CCM2L: variants seen among roughly 807,000 people sequenced by gnomAD.
CCM2L encodes the protein cerebral cavernous malformations 2 protein-like.
Under a neutral mutation model 54.1 loss-of-function variants are expected in CCM2L, and 36 were observed. The ratio of observed to expected loss-of-function variants is 0.67; its 90% CI spans 0.51 to 0.88. CCM2L has a LOEUF of 0.88. Among genes scored for constraint, CCM2L ranks in the 40% least tolerant of loss-of-function variants. The pLI, the probability that CCM2L is intolerant of heterozygous loss-of-function variation, is 0.00. For missense variants in CCM2L, 700 were observed against 812.1 expected, an observed-to-expected ratio of 0.86 and a Z score of 1.68; for synonymous variants, 351 against 359.3, an observed-to-expected ratio of 0.98 and a Z score of 0.26.
intron 1 of CCM2L, among the ~76,000 whole-genome samples, chr20:32,012,157 A>G (rs1289900348): frequency 1.4e-4 from 21 of 152,004 alleles, no homozygotes; most frequent in Admixed American, 1.4e-3. Flanking sequence ...TATGGGTTCT[A>G]ACATAAGCTG....
In CCM2L at chr20:32,025,923, A is replaced by G. The variant is rs988779670; in HGVS notation, c.1133+4A>G. On this transcript the variant is annotated splice_donor_region_variant and intron_variant, in intron 7 of 9. Coordinates refer to ENST00000452892, the MANE Select transcript of CCM2L (RefSeq NM_001365692.1). Reference sequence around the variant, plus strand: ...ACTTCAGCTGCTGCAGCTCCTTGTGAGTACAGCCCCTGTCAGGGACTCCAC... The same window carrying G: ...ACTTCAGCTGCTGCAGCTCCTTGTGGGTACAGCCCCTGTCAGGGACTCCAC... 15 of 1,303,944 alleles carry G rather than the reference A, an allele frequency of 1.2e-5. No homozygotes were observed. The highest frequency in any genetic ancestry group is 1.5e-5 in the Non-Finnish European group (15 of 988,812). 80.8% of individuals were successfully genotyped at this position (1,303,944 alleles called of 1,614,324 possible).
chr20:32,023,794 C>T lies in CCM2L; in HGVS notation c.1069+999C>T, dbSNP rs141733954. On this transcript the variant is annotated intron_variant, in intron 6 of 9. Coordinates refer to ENST00000452892, the MANE Select transcript of CCM2L (RefSeq NM_001365692.1). ...TCGCCTGAGCTGGAGTGCAGTGGCA[C>T]GATCTCGGCTCATTGCAACCTCTGC... 4.4e-4 allele frequency among the ~76,000 whole-genome samples: 67 copies of T among 152,342 alleles called. 2 individuals are homozygous for T. In the East Asian group the frequency reaches 0.011, roughly 24 times the overall value.
chr20:32,013,639 A>G (rs1189205407), intron 1 of CCM2L, among the ~76,000 whole-genome samples: 1 of 151,592 alleles, frequency 6.6e-6, no homozygotes, highest in Non-Finnish European at 1.5e-5. Context: ...TTTTGTAGAG[A>G]CAGTTTCACC....
Position 32,031,415 on chromosome 20 carries a change from G to A in CCM2L, c.*101G>A. On this transcript the variant is annotated 3_prime_UTR_variant, in exon 10 of 10. Coordinates refer to ENST00000452892, the MANE Select transcript of CCM2L (RefSeq NM_001365692.1). ...GGGCCCCCCCATCACACCTGGCGGG[G>A]CCGGGGGGTCTTCACTCCAGGGTCT... 1.9e-6 allele frequency: 2 copies of A among 1,031,492 alleles called. No homozygotes were observed. The highest frequency in any genetic ancestry group is 2.5e-6 in the Non-Finnish European group (2 of 797,940). The allele number at this position is 1,031,492 out of a possible 1,614,324, so 63.9% of individuals were successfully genotyped here. A position where few individuals can be genotyped will look rare whatever the true frequency, so the allele number is the denominator to read the frequency against.
Position 32,031,200 on chromosome 20 carries a change from G to A in CCM2L, c.1602G>A (p.Leu534=), listed in dbSNP as rs1369523568. 2.0e-5 allele frequency: 26 copies of A among 1,301,540 alleles called. No individual in the cohort carries two copies. Among genetic ancestry groups the A allele is most frequent in the Non-Finnish European group, 2.6e-5 (26 of 988,564 alleles). 80.6% of individuals were successfully genotyped at this position (1,301,540 alleles called of 1,614,324 possible). A position where few individuals can be genotyped will look rare whatever the true frequency, so the allele number is the denominator to read the frequency against. The change falls in exon 10 of 10, where the codon CTG becomes CTA. Residue 534 remains leucine, a synonymous_variant. Transcript: ENST00000452892. The part of the protein sequence containing the change: ...RPEAQAFHRL[L]ADITHDIEAL... The stretch of plus-strand genomic sequence containing the variant: ...AGGCACAGGCCTTCCACCGGCTGCT[G>A]GCTGACATCACGCACGACATCGAGG...
At chr20:32,028,051 CAGG>C (rs2064879223) in intron 7 of CCM2L, 1 of 152,362 alleles carries the variant, frequency 6.6e-6, no homozygotes, top group African/African-American at 2.4e-5. Flanking sequence ...GCTGGAGAGT[CAGG>C]AGGGCCTCTC....
At chr20:32,019,657 TCTC>T (rs2064784790) in intron 5 of CCM2L, among the ~76,000 whole-genome samples, 1 of 152,080 alleles carries the variant, frequency 6.6e-6, no homozygotes, top group East Asian at 1.9e-4. Flanking sequence ...GCCCGTTCCT[TCTC>T]CAACGTTGTC....
At chr20:32,017,044 A>G (rs1372376517) in intron 2 of CCM2L, among the ~76,000 whole-genome samples, 1 of 152,058 alleles carries the variant, frequency 6.6e-6, no homozygotes. Context: ...GCTACTCAGG[A>G]GGCTGAGGCA....
Position 32,025,901 on chromosome 20 carries a change from T to A in CCM2L, c.1115T>A (p.Phe372Tyr). 7.7e-7 allele frequency: 1 copy of A among 1,304,190 alleles called. No homozygotes were observed. The highest frequency in any genetic ancestry group is 1.0e-6 in the Non-Finnish European group (1 of 988,938). 80.8% of individuals were successfully genotyped at this position (1,304,190 alleles called of 1,614,324 possible). The change falls in exon 7 of 10, where the codon TTC (phenylalanine) becomes TAC (tyrosine). Residue 372 changes from phenylalanine (F) to tyrosine (Y), a missense_variant. By Grantham distance (22) the Phe-to-Tyr change is conservative. Transcript: ENST00000452892. ...TDGTYAYDAD[F>Y]SCCSSFNGSQ... ...GGGACGTATGCCTATGATGCCGACT[T>A]CAGCTGCTGCAGCTCCTTGTGAGTA... is the stretch of plus-strand genomic sequence containing the variant.
Position 32,031,429 on chromosome 20 carries a change from A to G in CCM2L, c.*115A>G, listed in dbSNP as rs1600687799. On this transcript the variant is annotated 3_prime_UTR_variant, in exon 10 of 10. Coordinates refer to ENST00000452892, the MANE Select transcript of CCM2L (RefSeq NM_001365692.1). ...CACCTGGCGGGGCCGGGGGGTCTTCACTCCAGGGTCTCGCTCCCTGCCCTT... is the reference window on the plus strand; with the variant it reads ...CACCTGGCGGGGCCGGGGGGTCTTCGCTCCAGGGTCTCGCTCCCTGCCCTT... 1.1e-6 allele frequency: 1 copy of G among 870,444 alleles called. No individual in the cohort carries two copies. Among genetic ancestry groups the G allele is most frequent in the Non-Finnish European group, 1.5e-6 (1 of 652,464 alleles). 53.9% of individuals were successfully genotyped at this position (870,444 alleles called of 1,614,324 possible).
intron 8 of CCM2L, 88 bp downstream of exon 8, chr20:32,029,212 T>A: frequency 6.4e-7 from 1 of 1,574,566 alleles, no homozygotes. Flanking sequence ...GCCCTGGACA[T>A]AACCTAAGCA....
intron 6 of CCM2L, among the ~76,000 whole-genome samples, chr20:32,023,770 C>T (rs773449520): frequency 4.6e-5 from 7 of 152,224 alleles, no homozygotes; most frequent in Non-Finnish European, 7.3e-5. Context: ...CTCACTCTGT[C>T]GCCTGAGCTG....
At chr20:32,010,676 C>T (rs1162788912) in intron 1 of CCM2L, among the ~76,000 whole-genome samples, 192 bp downstream of exon 1, 1 of 152,162 alleles carries the variant, frequency 6.6e-6, no homozygotes, top group Non-Finnish European at 1.5e-5. Flanking sequence ...TCTCCACTCT[C>T]AGTGGCCTCT....
intron 4 of CCM2L, 28 bp downstream of exon 4, chr20:32,018,190 G>GAGGGGC (rs2064758239): frequency 2.4e-6 from 1 of 416,512 alleles, no homozygotes; most frequent in Non-Finnish European, 3.4e-6. Context: ...GGGGGCGGGG[G>GAGGGGC]AGGGGCGGGG....
Position 32,031,221 on chromosome 20 carries a change from C to A in CCM2L, c.1623C>A (p.Ile541=), listed in dbSNP as rs1228665752. The A allele has an allele frequency of 7.7e-7, 1 of 1,300,344 alleles. No individual in the cohort carries two copies. The highest frequency in any genetic ancestry group is 1.0e-6 in the Non-Finnish European group (1 of 988,604). 80.6% of individuals were successfully genotyped at this position (1,300,344 alleles called of 1,614,324 possible). The change falls in exon 10 of 10, where the codon ATC becomes ATA. Residue 541 remains isoleucine (I), a synonymous_variant. Transcript: ENST00000452892. ...TGCTGGCTGACATCACGCACGACAT[C>A]GAGGCGCTGGCCCCCGATGACGACG... ...HRLLADITHD[I]EALAPDDDDD...
At position 32,014,246 on chromosome 20, in the gene CCM2L, C is replaced by CATATATAT. The variant is rs572945733; in HGVS notation, c.31-649_31-642dup. Among the ~76,000 whole-genome samples the CATATATAT allele has an allele frequency of 1.3e-3, 184 of 137,440 alleles. 1 individual carries two copies. Among genetic ancestry groups the CATATATAT allele is most frequent in the South Asian group, 3.2e-3 (14 of 4,416 alleles). 90.2% of individuals were successfully genotyped at this position (137,440 alleles called of 152,430 possible). ...TATATGATTTATATATATGTGTGTA[C>CATATATAT]ATATATATATATATATTTTTTTTTT... On this transcript the variant is annotated intron_variant, in intron 1 of 9. Transcript: ENST00000452892.
At position 32,029,844 on chromosome 20, in the gene CCM2L, C is replaced by G. The variant is rs748282429; in HGVS notation, c.1402+6C>G. On this transcript the variant is annotated splice_donor_region_variant and intron_variant, in intron 9 of 9. Transcript: ENST00000452892. ...GCGCAAGTTCCTCCTCCTTGGTGAG[C>G]CCCCGCTGTACCCCCAGAGGTCAGC... 4 of 1,592,336 alleles carry G rather than the reference C, an allele frequency of 2.5e-6. No individual in the cohort carries two copies. The highest frequency in any genetic ancestry group is 1.7e-5 in the Admixed American group (1 of 58,314).
intron 9 of CCM2L, among the ~76,000 whole-genome samples, chr20:32,030,770 G>A (rs1353948644): frequency 2.0e-5 from 3 of 151,350 alleles, no homozygotes; most frequent in African/African-American, 7.3e-5. Flanking sequence ...GGGAGGCAGA[G>A]GCTATAATAA....
Position 32,017,521 on chromosome 20 carries a change from A to T in CCM2L, c.199-279A>T, listed in dbSNP as rs1307625518. On this transcript the variant is annotated intron_variant, in intron 2 of 9. Coordinates refer to ENST00000452892, the MANE Select transcript of CCM2L (RefSeq NM_001365692.1). ...GCTCTGGCATGTGGATCCCAGTTTG[A>T]TCCTCTCTAGCTATCTAATCCTGGG... is the stretch of plus-strand genomic sequence containing the variant. 3.3e-5 allele frequency among the ~76,000 whole-genome samples: 5 copies of T among 152,220 alleles called. No homozygotes were observed. In the East Asian group the frequency reaches 9.7e-4, roughly 29 times the overall value.
Sources: gnomAD v4.1 joint callset for allele counts (sites outside exome capture counted in the v4.1 genomes callset) on GRCh38, gnomAD v4.1.1 for gene constraint, MANE v1.5 for transcripts, NCBI Gene and HGNC (gene_info 2026-07-23, HGNC 2026-07-21) for gene names.